Variants in SLC38A6 observed in about 807,000 individuals in gnomAD.
SLC38A6 encodes N system amino acid transporter NAT-1.
In SLC38A6, 73 loss-of-function variants were observed where a neutral mutation model predicts 65.0. The observed-to-expected ratio is 1.12, with a 90% confidence interval of 0.93 to 1.37. The LOEUF is 1.37. Among genes scored for constraint, SLC38A6 ranks in the 40% most tolerant of loss-of-function variants. SLC38A6 has a pLI of 0.00. For synonymous variants in SLC38A6, 183 were observed against 178.8 expected (o/e 1.02, Z -0.19); for missense variants, 561 against 531.1 (o/e 1.06, Z -0.55).
chr14:61,061,869 A>T (rs890164408), intron 15 of SLC38A6, among the ~76,000 whole-genome samples: 3 of 151,808 alleles, frequency 2.0e-5, no homozygotes, highest in African/African-American at 7.3e-5. Flanking sequence ...ACAGAGTCTT[A>T]CTCTGTCACC....
Position 61,030,629 on chromosome 14 carries a change from C to A in SLC38A6, c.482+106C>A. The A allele has an allele frequency of 4.1e-6, 3 of 730,130 alleles. No individual in the cohort carries two copies. The East Asian group carries it at 7.9e-5, about 19-fold the overall frequency. 45.2% of individuals were successfully genotyped at this position (730,130 alleles called of 1,614,324 possible). ...TAGTGGCAGGTAAAATAAATGTAGT[C>A]CTTGCCCTCAAGACAGTTACAAATT... is the stretch of plus-strand genomic sequence containing the variant. On this transcript the variant is annotated intron_variant, in intron 6 of 15. Coordinates refer to ENST00000267488, the MANE Select transcript of SLC38A6 (RefSeq NM_153811.3).
Position 61,037,161 on chromosome 14 carries a change from A to G in SLC38A6, c.565+20A>G. 1 of 1,520,180 alleles carries G rather than the reference A, an allele frequency of 6.6e-7. No homozygotes were observed. The allele number at this position is 1,520,180 out of a possible 1,614,324, so 94.2% of individuals were successfully genotyped here. A position where few individuals can be genotyped will look rare whatever the true frequency, so the allele number is the denominator to read the frequency against. On this transcript the variant is annotated intron_variant, in intron 7 of 15. Coordinates refer to ENST00000267488, the MANE Select transcript of SLC38A6 (RefSeq NM_153811.3). Reference sequence around the variant, plus strand: ...AAATAGGTAAGTCTTTATAGAGCACATTATTTGTTTAGAAAAAGGAAAGAA... The same window carrying G: ...AAATAGGTAAGTCTTTATAGAGCACGTTATTTGTTTAGAAAAAGGAAAGAA...
chr14:61,042,750 T>C (rs958983106), intron 8 of SLC38A6, among the ~76,000 whole-genome samples: 7 of 152,230 alleles, frequency 4.6e-5, no homozygotes, highest in Non-Finnish European at 1.0e-4. Context: ...CTGTGGCCTT[T>C]CCATAAACTG....
At chr14:61,082,303 G>C (rs925920433) in intron 16 of SLC38A6, among the ~76,000 whole-genome samples, 3 of 152,128 alleles carry the variant, frequency 2.0e-5, no homozygotes, top group Non-Finnish European at 4.4e-5. Context: ...CTTACTCACT[G>C]GAAATTCAGA....
chr14:61,024,574 A>G (rs1245151648), intron 5 of SLC38A6, among the ~76,000 whole-genome samples: 1 of 152,248 alleles, frequency 6.6e-6, no homozygotes, highest in Non-Finnish European at 1.5e-5. Context: ...AAAGATTAAT[A>G]ACTGTAGTAG....
chr14:60,981,743 A>C, intron 1 of SLC38A6: 1 of 1,296,302 alleles, frequency 7.7e-7, no homozygotes, highest in Non-Finnish European at 1.0e-6. Flanking sequence ...AGGTCTTTGC[A>C]AGAGTCACAG....
chr14:61,013,084 T>G (rs2039705014), intron 3 of SLC38A6, among the ~76,000 whole-genome samples: 1 of 152,220 alleles, frequency 6.6e-6, no homozygotes, highest in South Asian at 2.1e-4. Flanking sequence ...TGGGTGCATA[T>G]ATATTTAGGA....
intron 5 of SLC38A6, among the ~76,000 whole-genome samples, chr14:61,020,277 A>G (rs934851997): frequency 1.3e-5 from 2 of 152,116 alleles, no homozygotes; most frequent in African/African-American, 2.4e-5. Flanking sequence ...GTTTTCTTTT[A>G]TCATTGACTG....
chr14:60,988,759 G>T (rs541705583), intron 3 of SLC38A6, among the ~76,000 whole-genome samples: 5 of 152,264 alleles, frequency 3.3e-5, no homozygotes, highest in Admixed American at 2.6e-4. Flanking sequence ...TCCAGTTGAG[G>T]TTTTGTAGTA....
At chr14:61,038,411 C>T (rs1316559375) in intron 8 of SLC38A6, among the ~76,000 whole-genome samples, 3 of 152,030 alleles carry the variant, frequency 2.0e-5, no homozygotes, top group African/African-American at 7.2e-5. Context: ...CTTTGTATAG[C>T]AGTTTATTCC....
At chr14:61,082,940 A>C (rs1474184590) in intron 16 of SLC38A6, among the ~76,000 whole-genome samples, 1 of 152,204 alleles carries the variant, frequency 6.6e-6, no homozygotes, top group Admixed American at 6.5e-5. Flanking sequence ...GTGTTTTCTC[A>C]GTGTCCTCTC....
At chr14:61,075,782 TGTG>T (rs2043384809) in intron 15 of SLC38A6, among the ~76,000 whole-genome samples, 2 of 6,196 alleles carry the variant, frequency 3.2e-4, no homozygotes, top group African/African-American at 7.7e-4. Context: ...CCTGTTTGTG[TGTG>T]TGTGTGTGTG....
chr14:61,000,438 C>T (rs954252823), intron 3 of SLC38A6, among the ~76,000 whole-genome samples: 2 of 152,206 alleles, frequency 1.3e-5, no homozygotes, highest in African/African-American at 4.8e-5. Context: ...GACCAGTAGC[C>T]TGCCCAACAT....
chr14:61,026,692 A>G (rs966248188), intron 5 of SLC38A6, among the ~76,000 whole-genome samples: 4 of 151,596 alleles, frequency 2.6e-5, no homozygotes, highest in African/African-American at 9.7e-5. Context: ...GCACTTTCTC[A>G]TGGCATACTA....
At chr14:61,045,303 A>G (rs2042069077) in intron 10 of SLC38A6, 43 bp from the exon 11 acceptor site, 1 of 1,224,570 alleles carries the variant, frequency 8.2e-7, no homozygotes, top group African/African-American at 1.5e-5. Context: ...TGGTTTCAGT[A>G]GAGTGGCATT....
intron 15 of SLC38A6, among the ~76,000 whole-genome samples, chr14:61,062,384 CGTT>C (rs1024204782): frequency 1.3e-5 from 2 of 151,982 alleles, no homozygotes; most frequent in Non-Finnish European, 2.9e-5. Context: ...AGTGGTATCT[CGTT>C]GTTTTAGTTT....
rs1332553006 is a variant in SLC38A6 at position 61,044,986 on chromosome 14, A to G, written c.745-360A>G. ...GTACATTTAGAAGACAGAGAATTAA[A>G]AAAGAGCATTTCTAAAATGTTATTT... is the stretch of plus-strand genomic sequence containing the variant. On this transcript the variant is annotated intron_variant, in intron 10 of 15. Transcript: ENST00000267488. 2.0e-5 allele frequency among the ~76,000 whole-genome samples: 3 copies of G among 152,190 alleles called. No homozygotes were observed. In the East Asian group the frequency reaches 5.8e-4, roughly 29 times the overall value.
At chr14:61,081,961 G>C (rs1418495559) in intron 16 of SLC38A6, among the ~76,000 whole-genome samples, 1 of 152,128 alleles carries the variant, frequency 6.6e-6, no homozygotes, top group Non-Finnish European at 1.5e-5. Context: ...ACATGGGAGA[G>C]ACAGGCTGTG....
intron 10 of SLC38A6, among the ~76,000 whole-genome samples, chr14:61,043,805 C>A (rs1367826984): frequency 6.6e-6 from 1 of 150,608 alleles, no homozygotes; most frequent in Non-Finnish European, 1.5e-5. Context: ...CCAATAAGGT[C>A]CTCTGTGTAT....
Sources: allele counts gnomAD v4.1 joint callset (sites outside exome capture counted in the v4.1 genomes callset), GRCh38; gene constraint gnomAD v4.1.1; transcripts MANE v1.5; gene names NCBI Gene and HGNC (gene_info 2026-07-23, HGNC 2026-07-21).